Variants in ERN2 observed in about 807,000 individuals in gnomAD.
ERN2 encodes the protein endoplasmic reticulum to nucleus signaling 2, also known as serine/threonine-protein kinase/endoribonuclease IRE2.
A neutral mutation model predicts 107.9 loss-of-function variants in ERN2; 111 were observed. That is an observed-to-expected ratio of 1.03 (90% CI 0.88 to 1.20). ERN2 has a LOEUF of 1.20. ERN2 is among the 50% of genes most tolerant of loss of function. ERN2 has a pLI of 0.00. For synonymous variants in ERN2, 524 were observed against 501.7 expected (o/e 1.04, Z -0.59); for missense variants, 1,225 against 1,197.9 (o/e 1.02, Z -0.33).
In ERN2 at chr16:23,706,385, C is replaced by T. The variant is rs1960313394; in HGVS notation, c.534G>A (p.Trp178Ter). 1.3e-6 allele frequency: 2 copies of T among 1,571,882 alleles called. No homozygotes were observed. The highest frequency in any genetic ancestry group is 1.9e-5 in the Admixed American group (1 of 53,194). The change falls in exon 7 of 22, where the codon TGG becomes TGA. Residue 178 changes from tryptophan to a stop codon, truncating the protein, a stop_gained. Coordinates refer to ENST00000256797, the MANE Select transcript of ERN2 (RefSeq NM_033266.4). LOFTEE classifies it high-confidence loss of function. The part of the protein sequence containing the change: ...MHDPRAPALR[W>*]NTTYRRYSAP... ...CTGAGTAGCGGCGGTAGGTGGTGTT[C>T]CAGCGCAGGGCTGGGGCTCTTGGGT...
At chr16:23,711,977 C>T (rs951140746) in intron 1 of ERN2, 44 of 416,112 alleles carry the variant, frequency 1.1e-4, no homozygotes, top group Admixed American at 2.0e-4. Context: ...TTACATCTGG[C>T]GATCCTGGGC....
chr16:23,690,809 T>G lies in ERN2; in HGVS notation c.*22A>C. Reference sequence around the variant, plus strand: ...CTTCAGTGAGCCAGCACGGAGACCATCTGTGTGGCATCCAGCCCACCTCAC... The same window carrying G: ...CTTCAGTGAGCCAGCACGGAGACCAGCTGTGTGGCATCCAGCCCACCTCAC... On this transcript the variant is annotated 3_prime_UTR_variant, in exon 22 of 22. Coordinates refer to ENST00000256797, the MANE Select transcript of ERN2 (RefSeq NM_033266.4). The G allele has an allele frequency of 6.3e-7, 1 of 1,590,664 alleles. No individual in the cohort carries two copies. The highest frequency in any genetic ancestry group is 1.1e-5 in the South Asian group (1 of 90,550).
intron 17 of ERN2, among the ~76,000 whole-genome samples, chr16:23,693,324 T>C (rs1959674692): frequency 6.6e-6 from 1 of 151,642 alleles, no homozygotes; most frequent in African/African-American, 2.4e-5. Context: ...CAGTGGCTCA[T>C]GCCTATAATC....
Position 23,695,917 on chromosome 16 carries a change from C to CCCG in ERN2, c.1584_1586dup (p.Gly529dup). ...ACCGGAAAACGAAAGTCCCGCCTGCCCCGCGGCCCAGCACGTCCTTGGGAT... is the reference window on the plus strand; with the variant it reads ...ACCGGAAAACGAAAGTCCCGCCTGCCCCGCCGCGGCCCAGCACGTCCTTGGGAT... On this transcript the variant is annotated inframe_insertion, in exon 14 of 22. Coordinates refer to ENST00000256797, the MANE Select transcript of ERN2 (RefSeq NM_033266.4). The CCCG allele has an allele frequency of 6.2e-7, 1 of 1,614,138 alleles. No individual in the cohort carries two copies. Among genetic ancestry groups the CCCG allele is most frequent in the Non-Finnish European group, 8.5e-7 (1 of 1,180,012 alleles).
At position 23,704,353 on chromosome 16, in the gene ERN2, G is replaced by A. The variant is rs530444165; in HGVS notation, c.854+530C>T. ...GGGTTGTGGTAGGGACCCGGTGGGA[G>A]GTAATTGAATCATGAGGTCTTTCCC... On this transcript the variant is annotated intron_variant, in intron 8 of 21. Transcript: ENST00000256797. 1.1e-3 allele frequency among the ~76,000 whole-genome samples: 170 copies of A among 152,202 alleles called. 1 individual carries two copies. Among genetic ancestry groups the A allele is most frequent in the African/African-American group, 4.0e-3 (167 of 41,520 alleles).
At position 23,702,172 on chromosome 16, in the gene ERN2, C is replaced by T. The variant is rs1960101291; in HGVS notation, c.1183G>A (p.Ala395Thr). The T allele has an allele frequency of 1.2e-6, 2 of 1,613,914 alleles. No individual in the cohort carries two copies. Among genetic ancestry groups the T allele is most frequent in the African/African-American group, 1.3e-5 (1 of 75,054 alleles). Residue 395 changes from alanine (A) to threonine (T), a missense_variant, in exon 11 of 22, where the codon GCC (alanine) becomes ACC (threonine). By Grantham distance (58) the Ala-to-Thr change is moderately conservative. Transcript: ENST00000256797. ...AETRPPENTQ[A>T]PAFFLELLSL... is the part of the protein sequence containing the mutation. ...CTGACCTCCAAGAAGAAGGCTGGGG[C>T]CTGGGTATTCTCTGGAGGTCTTGTC...
chr16:23,706,976 C>A, intron 5 of ERN2, 31 bp downstream of exon 5: 2 of 1,607,252 alleles, frequency 1.2e-6, no homozygotes, highest in Non-Finnish European at 1.7e-6. Flanking sequence ...GCTGGCTGAA[C>A]CTGGACCCCA....
In ERN2 at chr16:23,710,152, G is replaced by A. The variant is rs201619844; in HGVS notation, c.306+20C>T. 85 of 1,589,884 alleles carry A rather than the reference G, an allele frequency of 5.3e-5. No individual in the cohort carries two copies. Among genetic ancestry groups the A allele is most frequent in the African/African-American group, 3.8e-4 (28 of 74,588 alleles). On this transcript the variant is annotated intron_variant, in intron 4 of 21. Coordinates refer to ENST00000256797, the MANE Select transcript of ERN2 (RefSeq NM_033266.4). ...AAAGCCCTGGCTCTCACCCATTCCC[G>A]AACACCATGGGATACAAACCATTAA...
At position 23,710,187 on chromosome 16, in the gene ERN2, T is replaced by G; in HGVS notation, c.291A>C (p.Lys97Asn). 1 of 1,609,010 alleles carries G rather than the reference T, an allele frequency of 6.2e-7. No individual in the cohort carries two copies. The highest frequency in any genetic ancestry group is 8.5e-7 in the Non-Finnish European group (1 of 1,175,400). The change falls in exon 4 of 22, where the codon AAA becomes AAC. Residue 97 changes from lysine (K) to asparagine (N), a missense_variant. Transcript: ENST00000256797. ...GGATACAAACCATTAATCCCTGTTGTTTTTGGGTCCCCAAGATGTACAGGC... is the reference window on the plus strand; with the variant it reads ...GGATACAAACCATTAATCCCTGTTGGTTTTGGGTCCCCAAGATGTACAGGC... ...DGSLYILGTQ[K>N]QQGLMKLPFT...
At chr16:23,694,969 G>A in intron 16 of ERN2, 42 bp from the exon 17 acceptor site, 1 of 1,613,514 alleles carries the variant, frequency 6.2e-7, no homozygotes, top group Non-Finnish European at 8.5e-7. Context: ...GCTGAGGGCG[G>A]AAGGCAGGGG....
chr16:23,707,073 G>T lies in ERN2; in HGVS notation c.313C>A (p.Pro105Thr), dbSNP rs1181216917. ...TGAACCAGCTCAGGGATGGTGAATG[G>T]CAGTTTCTAGGAGACGGAAAATTTA... ...TQKQQGLMKL[P>T]FTIPELVHAS... Residue 105 changes from proline (P) to threonine (T), a missense_variant, in exon 5 of 22, where the codon CCA becomes ACA. Pro to Thr is a conservative substitution (Grantham distance 38, BLOSUM62 -1). Coordinates refer to ENST00000256797, the MANE Select transcript of ERN2 (RefSeq NM_033266.4). 5 of 1,613,516 alleles carry T rather than the reference G, an allele frequency of 3.1e-6. No homozygotes were observed. In the African/African-American group the frequency reaches 6.7e-5, roughly 22 times the overall value.
intron 4 of ERN2, chr16:23,709,599 T>C (rs2141023851): frequency 5.3e-6 from 1 of 188,256 alleles, no homozygotes; most frequent in Admixed American, 5.4e-5. Flanking sequence ...TTGGGGTCCC[T>C]TGTTGATATC....
chr16:23,700,877 A>G, intron 12 of ERN2, 82 bp downstream of exon 12: 2 of 1,519,678 alleles, frequency 1.3e-6, no homozygotes, highest in East Asian at 4.5e-5. Context: ...AGCTGGGTAG[A>G]GGGAGAGAGT....
rs1187660400 is a variant in ERN2, at chr16:23,713,042, C to T, written c.93+53G>A. On this transcript the variant is annotated intron_variant, in intron 1 of 21. Transcript: ENST00000256797. ...CCTCGCCCCAAGTGCGACGCCGCCCCCTGCGCCCCGCGACCAGACTTTGGG... is the reference window on the plus strand; with the variant it reads ...CCTCGCCCCAAGTGCGACGCCGCCCTCTGCGCCCCGCGACCAGACTTTGGG... 4 of 1,377,710 alleles carry T rather than the reference C, an allele frequency of 2.9e-6. No individual in the cohort carries two copies. The East Asian group carries it at 8.3e-5, about 29-fold the overall frequency. 85.3% of individuals were successfully genotyped at this position (1,377,710 alleles called of 1,614,324 possible).
intron 2 of ERN2, 112 bp downstream of exon 2, chr16:23,710,801 G>A (rs139889057): frequency 2.2e-6 from 2 of 901,764 alleles, no homozygotes; most frequent in Non-Finnish European, 3.6e-6. Flanking sequence ...GCTGCCTGTA[G>A]ATACCAGCTT....
chr16:23,706,300 A>C, intron 7 of ERN2, 30 bp downstream of exon 7: 1 of 1,436,962 alleles, frequency 7.0e-7, no homozygotes. Flanking sequence ...ACCTTGCTCC[A>C]AGATGGGACC....
chr16:23,694,185 C>T (rs950111014), intron 17 of ERN2, among the ~76,000 whole-genome samples: 5 of 152,054 alleles, frequency 3.3e-5, no homozygotes, highest in African/African-American at 9.7e-5. Flanking sequence ...TTGGTAGAGA[C>T]GAGGTCTCCC....
intron 12 of ERN2, 107 bp from the exon 13 acceptor site, chr16:23,700,811 AGCAAGATC>A: frequency 4.0e-6 from 6 of 1,482,886 alleles, no homozygotes; most frequent in Non-Finnish European, 4.5e-6. Context: ...GAACTTACAG[AGCAAGATC>A]GCAGGGGCCT....
At chr16:23,703,105 C>T (rs566920558) in intron 8 of ERN2, among the ~76,000 whole-genome samples, 1 of 152,132 alleles carries the variant, frequency 6.6e-6, no homozygotes, top group South Asian at 2.1e-4. Context: ...CCCACAGAAT[C>T]TTGAAAAATA....
Sources: gnomAD v4.1 joint callset for allele counts (sites outside exome capture counted in the v4.1 genomes callset) on GRCh38, gnomAD v4.1.1 for gene constraint, MANE v1.5 for transcripts, NCBI Gene and HGNC (gene_info 2026-07-23, HGNC 2026-07-21) for gene names.